SCG2: variants seen among roughly 807,000 people sequenced by gnomAD.
The protein encoded by SCG2 is secretogranin II.
SCG2 carries 23 observed loss-of-function variants against 49.5 expected under a neutral mutation model. The observed-to-expected ratio is 0.46, with a 90% CI of 0.33 to 0.66. SCG2 has a LOEUF of 0.66. Among genes scored for constraint, SCG2 ranks in the 30% least tolerant of loss-of-function variants. The pLI is 0.01. For missense variants in SCG2, 730 were observed against 728.2 expected, an observed-to-expected ratio of 1.00 and a Z score of -0.03; for synonymous variants, 288 against 260.4, an observed-to-expected ratio of 1.11 and a Z score of -1.02.
rs762892254 is a variant in SCG2 at position 223,598,373 on chromosome 2, A to G, written c.910T>C (p.Ser304Pro). 9 of 1,614,008 alleles carry G rather than the reference A, an allele frequency of 5.6e-6. No individual in the cohort carries two copies. The highest frequency in any genetic ancestry group is 5.9e-6 in the Non-Finnish European group (7 of 1,180,028). ...GCAATTACTTTGGAGACATCATCTG[A>G]GAGTTGGTCTTTACTCTCTTTCCGA... is the stretch of plus-strand genomic sequence containing the variant. ...DLRKESKDQLSDDVSKVIAYL... is the reference protein window; with the variant it reads ...DLRKESKDQLPDDVSKVIAYL... Residue 304 changes from serine (S) to proline (P), a missense_variant, in exon 2 of 2, where the codon TCA becomes CCA. Ser to Pro is a moderately conservative substitution (Grantham distance 74). Transcript: ENST00000305409.
At chr2:223,599,782 T>C (rs1691363389) in intron 1 of SCG2, among the ~76,000 whole-genome samples, 1 of 152,248 alleles carries the variant, frequency 6.6e-6, no homozygotes, top group African/African-American at 2.4e-5. Context: ...AAAAAACATG[T>C]GGTTTATTTC....
intron 1 of SCG2, among the ~76,000 whole-genome samples, chr2:223,601,555 A>C (rs1691390298): frequency 3.9e-5 from 6 of 152,196 alleles, no homozygotes; most frequent in Admixed American, 3.9e-4. Context: ...AACAATTTAC[A>C]AAGTTATGAG....
chr2:223,600,432 T>C (rs984014830), intron 1 of SCG2, among the ~76,000 whole-genome samples: 18 of 152,150 alleles, frequency 1.2e-4, no homozygotes, highest in African/African-American at 2.2e-4. Flanking sequence ...AAATCTTACA[T>C]AGGAATTAGG....
Position 223,598,146 on chromosome 2 carries a change from C to T in SCG2, c.1137G>A (p.Val379=). The change falls in exon 2 of 2, where the codon GTG becomes GTA. Residue 379 remains valine (V), a synonymous_variant. Coordinates refer to ENST00000305409, the MANE Select transcript of SCG2 (RefSeq NM_003469.5). ...GAAGGTCAAGCTCCCGCTCCGGTTC[C>T]ACTGATCCATTCGGCTTCTCCCCAG... ...LKTGEKPNGS[V]EPERELDLPV... 6.2e-7 allele frequency: 1 copy of T among 1,613,434 alleles called. No homozygotes were observed. Among genetic ancestry groups the T allele is most frequent in the Non-Finnish European group, 8.5e-7 (1 of 1,179,616 alleles).
At chr2:223,600,164 T>C (rs555253258) in intron 1 of SCG2, among the ~76,000 whole-genome samples, 1 of 152,232 alleles carries the variant, frequency 6.6e-6, no homozygotes, top group Non-Finnish European at 1.5e-5. Context: ...TCAGAGTGTA[T>C]AGTAAATAAT....
rs1465878677 is a variant in SCG2 at position 223,597,564 on chromosome 2, G to C, written c.1719C>G (p.Pro573=). 5 of 1,614,024 alleles carry C rather than the reference G, an allele frequency of 3.1e-6. No homozygotes were observed. The highest frequency in any genetic ancestry group is 3.4e-6 in the Non-Finnish European group (4 of 1,179,998). Residue 573 remains proline, a synonymous_variant, in exon 2 of 2, where the codon CCC becomes CCG. Coordinates refer to ENST00000305409, the MANE Select transcript of SCG2 (RefSeq NM_003469.5). ...TATTTGGGGTATCATCATTCTTCGGGGGCCCCACAGGGAACCTTTTGCTCA... is the reference window on the plus strand; with the variant it reads ...TATTTGGGGTATCATCATTCTTCGGCGGCCCCACAGGGAACCTTTTGCTCA... ...APVSKRFPVG[P]PKNDDTPNRQ...
Position 223,598,462 on chromosome 2 carries a change from T to C in SCG2, c.821A>G (p.Lys274Arg), listed in dbSNP as rs1691336023. The C allele has an allele frequency of 1.9e-6, 3 of 1,614,148 alleles. No individual in the cohort carries two copies. The highest frequency in any genetic ancestry group is 2.5e-6 in the Non-Finnish European group (3 of 1,180,036). The change falls in exon 2 of 2, where the codon AAA becomes AGA. Residue 274 changes from lysine to arginine, a missense_variant. Lys to Arg is a conservative substitution (Grantham distance 26). Transcript: ENST00000305409. ...CATCTCATCGTTGATTTGTTCATTT[T>C]TTTCTATATTCTCTTTGCTGTCTCT... The part of the protein sequence containing the change: ...EVRDSKENIE[K>R]NEQINDEMKR...
rs1691312155 is a variant in SCG2 at position 223,597,393 on chromosome 2, G to T, written c.*36C>A. 1 of 1,552,296 alleles carries T rather than the reference G, an allele frequency of 6.4e-7. No homozygotes were observed. Among genetic ancestry groups the T allele is most frequent in the Non-Finnish European group, 8.7e-7 (1 of 1,149,276 alleles). ...AGAAATGTTGGGATTTGCTTGGGGT[G>T]GGAGGAATGAAAGTAGGGTAATTAA... On this transcript the variant is annotated 3_prime_UTR_variant, in exon 2 of 2. Transcript: ENST00000305409.
Position 223,598,963 on chromosome 2 carries a change from T to G in SCG2, c.320A>C (p.Glu107Ala). Residue 107 changes from glutamate to alanine, a missense_variant, in exon 2 of 2, where the codon GAA becomes GCA. Coordinates refer to ENST00000305409, the MANE Select transcript of SCG2 (RefSeq NM_003469.5). ...GAGTATTATTCTCATCCAGTCTTCTTCACTCAGTGAATCCCTCTCGGGCAA... is the reference window on the plus strand; with the variant it reads ...GAGTATTATTCTCATCCAGTCTTCTGCACTCAGTGAATCCCTCTCGGGCAA... ...SHLPERDSLSEEDWMRIILEA... is the reference protein window; with the variant it reads ...SHLPERDSLSAEDWMRIILEA... The G allele has an allele frequency of 6.2e-7, 1 of 1,614,234 alleles. No homozygotes were observed.
rs527837479 is a variant in SCG2, at chr2:223,597,688, G to A, written c.1595C>T (p.Ser532Leu). 6.2e-7 allele frequency: 1 copy of A among 1,614,124 alleles called. No homozygotes were observed. The highest frequency in any genetic ancestry group is 1.7e-5 in the Admixed American group (1 of 60,018). The stretch of plus-strand genomic sequence containing the variant: ...CTCTTCCTGCAGGTCATCTTCAGAT[G>A]AGCCTTGACCAGGAACTCGCTTCAC... The part of the protein sequence containing the change: ...NQVKRVPGQG[S>L]SEDDLQEEEQ... The change falls in exon 2 of 2, where the codon TCA becomes TTA. Residue 532 changes from serine to leucine, a missense_variant. By Grantham distance (145) the Ser-to-Leu change is moderately radical. Coordinates refer to ENST00000305409, the MANE Select transcript of SCG2 (RefSeq NM_003469.5).
chr2:223,599,455 CAT>C (rs1223915229), intron 1 of SCG2, among the ~76,000 whole-genome samples, 159 bp from the exon 2 acceptor site: 4 of 152,216 alleles, frequency 2.6e-5, no homozygotes, highest in African/African-American at 9.6e-5. Flanking sequence ...ATATTTTCCA[CAT>C]GATTCCCACA....
In SCG2 at chr2:223,597,479, C is replaced by T; in HGVS notation, c.1804G>A (p.Ala602Thr). Residue 602 changes from alanine (A) to threonine (T), a missense_variant, in exon 2 of 2, where the codon GCA becomes ACA. Ala to Thr is a moderately conservative substitution (Grantham distance 58). Transcript: ENST00000305409. ...GCAATATGCTCCCTTCCCTTTTCTG[C>T]CTTTTCTTGGTTGAGGTATTCCAGC... ...KVLEYLNQEK[A>T]EKGREHIAKR... 7 of 1,613,250 alleles carry T rather than the reference C, an allele frequency of 4.3e-6. No homozygotes were observed. Among genetic ancestry groups the T allele is most frequent in the Non-Finnish European group, 4.2e-6 (5 of 1,179,622 alleles).
chr2:223,599,137 T>G lies in SCG2; in HGVS notation c.146A>C (p.Lys49Thr), dbSNP rs1462019509. The G allele has an allele frequency of 6.2e-7, 1 of 1,614,112 alleles. No homozygotes were observed. The highest frequency in any genetic ancestry group is 1.1e-5 in the South Asian group (1 of 91,074). The change falls in exon 2 of 2, where the codon AAG (lysine) becomes ACG (threonine). Residue 49 changes from lysine to threonine, a missense_variant. By Grantham distance (78) the Lys-to-Thr change is moderately conservative (BLOSUM62 -1). Transcript: ENST00000305409. ...EPDLRLENVQ[K>T]FPSPEMIRAL... Reference sequence around the variant, plus strand: ...CCTGATCATTTCAGGACTGGGAAACTTTTGGACATTTTCCAACCTGAGGTC... The same window carrying G: ...CCTGATCATTTCAGGACTGGGAAACGTTTGGACATTTTCCAACCTGAGGTC...
Position 223,597,520 on chromosome 2 carries a change from T to A in SCG2, c.1763A>T (p.Asp588Val). ...DTPNRQYWDE[D>V]LLMKVLEYLN... ...GTATTCCAGCACTTTCATTAACAGATCTTCATCCCAGTACTGCCTATTTGG... is the reference window on the plus strand; with the variant it reads ...GTATTCCAGCACTTTCATTAACAGAACTTCATCCCAGTACTGCCTATTTGG... Residue 588 changes from aspartate to valine, a missense_variant, in exon 2 of 2, where the codon GAT (aspartate) becomes GTT (valine). Asp to Val is a radical substitution (Grantham distance 152). Transcript: ENST00000305409. 1 of 1,614,164 alleles carries A rather than the reference T, an allele frequency of 6.2e-7. No homozygotes were observed. The highest frequency in any genetic ancestry group is 2.2e-5 in the East Asian group (1 of 44,882).
chr2:223,602,027 T>G (rs1306202261), intron 1 of SCG2: 1 of 152,176 alleles, frequency 6.6e-6, no homozygotes, highest in African/African-American at 2.4e-5. Flanking sequence ...ATCCTTAACT[T>G]TTTCACTCTT....
Position 223,598,429 on chromosome 2 carries a change from G to A in SCG2, c.854C>T (p.Ser285Leu), listed in dbSNP as rs143964627. Residue 285 changes from serine (S) to leucine (L), a missense_variant, in exon 2 of 2, where the codon TCA becomes TTA. Transcript: ENST00000305409. ...TTCTTCCTGGATGCCAAGCTGCCCT[G>A]AGCGTTTCATCTCATCGTTGATTTG... The part of the protein sequence containing the change: ...NEQINDEMKR[S>L]GQLGIQEEDL... 24 of 1,613,912 alleles carry A rather than the reference G, an allele frequency of 1.5e-5. No homozygotes were observed. The highest frequency in any genetic ancestry group is 1.9e-5 in the Non-Finnish European group (22 of 1,180,018).
In SCG2 at chr2:223,598,347, G is replaced by C. The variant is rs1432017276; in HGVS notation, c.936C>G (p.Ala312=). The change falls in exon 2 of 2, where the codon GCC becomes GCG. Residue 312 remains alanine (A), a synonymous_variant. Transcript: ENST00000305409. ...CAGCATTTACTAACCTTTTCAAATA[G>C]GCAATTACTTTGGAGACATCATCTG... ...QLSDDVSKVI[A]YLKRLVNAAG... 6.2e-7 allele frequency: 1 copy of C among 1,613,942 alleles called. No homozygotes were observed. The highest frequency in any genetic ancestry group is 8.5e-7 in the Non-Finnish European group (1 of 1,180,024).
In SCG2 at chr2:223,597,116, C is replaced by T. The variant is rs1448381375; in HGVS notation, c.*313G>A. On this transcript the variant is annotated 3_prime_UTR_variant, in exon 2 of 2. Transcript: ENST00000305409. ...AAACTTTCAATAGAATTATAGGACACTTTTTTATCATATGTGAGCATCAAC... is the reference window on the plus strand; with the variant it reads ...AAACTTTCAATAGAATTATAGGACATTTTTTTATCATATGTGAGCATCAAC... 2 of 213,364 alleles carry T rather than the reference C, an allele frequency of 9.4e-6. No homozygotes were observed. Among genetic ancestry groups the T allele is most frequent in the Non-Finnish European group, 1.8e-5 (2 of 108,294 alleles). 13.2% of individuals were successfully genotyped at this position (213,364 alleles called of 1,614,324 possible). A position where few individuals can be genotyped will look rare whatever the true frequency, so the allele number is the denominator to read the frequency against.
Position 223,597,701 on chromosome 2 carries a change from G to C in SCG2, c.1582C>G (p.Pro528Ala). The change falls in exon 2 of 2, where the codon CCT becomes GCT. Residue 528 changes from proline to alanine, a missense_variant. Transcript: ENST00000305409. ...IINSNQVKRV[P>A]GQGSSEDDLQ... ...TCATCTTCAGATGAGCCTTGACCAG[G>C]AACTCGCTTCACTTGGTTTGAATTA... 8 of 1,614,114 alleles carry C rather than the reference G, an allele frequency of 5.0e-6. No individual in the cohort carries two copies. Among genetic ancestry groups the C allele is most frequent in the Non-Finnish European group, 6.8e-6 (8 of 1,180,036 alleles).
Sources: gnomAD v4.1 joint callset for allele counts (sites outside exome capture counted in the v4.1 genomes callset) on GRCh38, gnomAD v4.1.1 for gene constraint, MANE v1.5 for transcripts, NCBI Gene and HGNC (gene_info 2026-07-23, HGNC 2026-07-21) for gene names.